The following NUP210 variants were observed in gnomAD, a reference collection of about 807,000 sequenced individuals.
The protein encoded by NUP210 is nuclear pore membrane glycoprotein 210.
In NUP210, 151 loss-of-function variants were observed where a neutral mutation model predicts 196.0. That is an observed-to-expected ratio of 0.77 (90% CI 0.67 to 0.88). The LOEUF is 0.88. NUP210 is among the 40% of genes least tolerant of loss of function. NUP210 has a pLI of 0.00. For missense variants in NUP210, 2,314 were observed against 2,493.7 expected (o/e 0.93, Z 1.53); for synonymous variants, 1,070 against 1,052.7 (o/e 1.02, Z -0.32).
intron 16 of NUP210, among the ~76,000 whole-genome samples, chr3:13,354,948 T>A (rs1397929853): frequency 1.3e-5 from 2 of 152,146 alleles, no homozygotes; most frequent in Non-Finnish European, 2.9e-5. Flanking sequence ...GGGCTATCCC[T>A]CCCTTCTCTG....
chr3:13,377,494 C>T lies in NUP210; in HGVS notation c.1114G>A (p.Val372Ile). Reference protein sequence around the residue: ...TGRLYEITIEVFDKFSNKVYV... With the variant: ...TGRLYEITIEIFDKFSNKVYV... ...ACCTTGTTGCTGAACTTGTCAAAAA[C>T]TTCGATGGTGATTTCATACAGGCGG... Residue 372 changes from valine (V) to isoleucine (I), a missense_variant, in exon 9 of 40, where the codon GTT (valine) becomes ATT (isoleucine). Transcript: ENST00000254508. The T allele has an allele frequency of 6.2e-7, 1 of 1,613,848 alleles. No homozygotes were observed. The highest frequency in any genetic ancestry group is 1.3e-5 in the African/African-American group (1 of 75,028).
At chr3:13,319,689 C>A in intron 37 of NUP210, 74 bp downstream of exon 37, 4 of 1,307,746 alleles carry the variant, frequency 3.1e-6, no homozygotes. Flanking sequence ...CAGGTTTCTA[C>A]TGATAGCCAG....
chr3:13,395,063 G>C (rs144601784), intron 3 of NUP210, among the ~76,000 whole-genome samples: 27 of 152,196 alleles, frequency 1.8e-4, no homozygotes, highest in Admixed American at 5.2e-4. Context: ...ACCAGGTGAC[G>C]TCCTACTCTG....
rs760022114 is a variant in NUP210 at position 13,341,845 on chromosome 3, A to G, written c.3131T>C (p.Phe1044Ser). The change falls in exon 23 of 40, where the codon TTC (phenylalanine) becomes TCC (serine). Residue 1044 changes from phenylalanine to serine, a missense_variant. By Grantham distance (155) the Phe-to-Ser change is radical. Coordinates refer to ENST00000254508, the MANE Select transcript of NUP210 (RefSeq NM_024923.4). ...DEALDNYTITFLIRGVAIGQT... is the reference protein window; with the variant it reads ...DEALDNYTITSLIRGVAIGQT... ...GCCGATGGCCACACCGCGGATGAGG[A>G]ATGTGATGGTGTAGTTGTCAAGGGC... The G allele has an allele frequency of 6.2e-7, 1 of 1,614,022 alleles. No homozygotes were observed. Among genetic ancestry groups the G allele is most frequent in the East Asian group, 2.2e-5 (1 of 44,894 alleles).
Position 13,354,070 on chromosome 3 carries a change from A to G in NUP210, c.2366T>C (p.Leu789Pro). Residue 789 changes from leucine to proline, a missense_variant, in exon 17 of 40, where the codon CTG (leucine) becomes CCG (proline). Physicochemically the swap from Leu to Pro is moderately conservative, Grantham distance 98. Coordinates refer to ENST00000254508, the MANE Select transcript of NUP210 (RefSeq NM_024923.4). ...VSSHRNPRLD[L>P]AAYDQEGRRF... ...GCGGCCCTCCTGGTCGTAAGCAGCC[A>G]GGTCCAGCCGGGGGTTGCGGTGGCT... 6.2e-7 allele frequency: 1 copy of G among 1,603,402 alleles called. No homozygotes were observed.
At chr3:13,369,165 C>T (rs1234709630) in intron 13 of NUP210, among the ~76,000 whole-genome samples, 1 of 152,204 alleles carries the variant, frequency 6.6e-6, no homozygotes, top group East Asian at 1.9e-4. Flanking sequence ...GTTTGATTTG[C>T]ACCACTCTGA....
chr3:13,418,021 C>T (rs1434629177), intron 1 of NUP210, among the ~76,000 whole-genome samples: 1 of 152,216 alleles, frequency 6.6e-6, no homozygotes, highest in African/African-American at 2.4e-5. Flanking sequence ...TTGAAGCCAG[C>T]TGTTTTTAAT....
intron 13 of NUP210, 41 bp from the exon 14 acceptor site, chr3:13,366,132 T>C (rs1322218796): frequency 1.9e-6 from 3 of 1,587,836 alleles, no homozygotes; most frequent in African/African-American, 1.4e-5. Flanking sequence ...CTGAAATCAC[T>C]TTTTTCTTTT....
intron 20 of NUP210, 36 bp from the exon 21 acceptor site, chr3:13,343,339 T>TGGGGGTGGGGGGGGGGGG: frequency 3.5e-6 from 1 of 282,522 alleles, no homozygotes. Context: ...GGGTGGGTGG[T>TGGGGGTGGGGGGGGGGGG]GGGTTACGCA....
intron 6 of NUP210, among the ~76,000 whole-genome samples, chr3:13,384,776 C>T (rs1034874012): frequency 2.0e-5 from 3 of 152,236 alleles, no homozygotes; most frequent in African/African-American, 4.8e-5. Flanking sequence ...CCTTTCAACA[C>T]GCTTCCCCTT....
At chr3:13,377,806 C>T (rs529376843) in intron 8 of NUP210, among the ~76,000 whole-genome samples, 1 of 148,384 alleles carries the variant, frequency 6.7e-6, no homozygotes, top group Non-Finnish European at 1.5e-5. Flanking sequence ...CTGCAGGCCC[C>T]ACACCACTTA....
Position 13,405,455 on chromosome 3 carries a change from T to C in NUP210, c.168-5594A>G, listed in dbSNP as rs147711045. Among the ~76,000 whole-genome samples the C allele has an allele frequency of 8.7e-4, 132 of 152,278 alleles. 2 individuals are homozygous for C. The highest frequency in any genetic ancestry group is 6.8e-3 in the Middle Eastern group (2 of 294). ...GGACTTGTCAGCCTCTATAATCATA[T>C]AAGCTAATCCCTTATACTAAACCTC... On this transcript the variant is annotated intron_variant, in intron 1 of 39. Transcript: ENST00000254508.
chr3:13,341,814 G>T lies in NUP210; in HGVS notation c.3162C>A (p.Thr1054=). Residue 1054 remains threonine, a synonymous_variant, in exon 23 of 40, where the codon ACC becomes ACA. Transcript: ENST00000254508. The part of the protein sequence containing the change: ...FLIRGVAIGQ[T]SLTASVTNKA... ...TATTGGTCACACTTGCAGTTAGACTGGTCTGGCCGATGGCCACACCGCGGA... is the reference window on the plus strand; with the variant it reads ...TATTGGTCACACTTGCAGTTAGACTTGTCTGGCCGATGGCCACACCGCGGA... 6.2e-7 allele frequency: 1 copy of T among 1,614,212 alleles called. No individual in the cohort carries two copies. Among genetic ancestry groups the T allele is most frequent in the South Asian group, 1.1e-5 (1 of 91,086 alleles).
chr3:13,391,134 CGCT>C, intron 4 of NUP210, 74 bp downstream of exon 4: 1 of 997,348 alleles, frequency 1.0e-6, no homozygotes, highest in East Asian at 2.6e-5. Flanking sequence ...GAAAGCCCCC[CGCT>C]GGTGAGGAGC....
At chr3:13,369,545 T>C (rs1228478356) in intron 13 of NUP210, among the ~76,000 whole-genome samples, 1 of 152,240 alleles carries the variant, frequency 6.6e-6, no homozygotes, top group African/African-American at 2.4e-5. Flanking sequence ...TTTATAGTTT[T>C]CAATTTTATA....
chr3:13,412,542 C>T (rs9881234), intron 1 of NUP210, among the ~76,000 whole-genome samples: 58,008 of 151,572 alleles, frequency 0.38, 11,553 homozygotes, highest in Middle Eastern at 0.46. Context: ...GGCGAAATCC[C>T]GTTTCTACTA....
At position 13,388,997 on chromosome 3, in the gene NUP210, G is replaced by A. The variant is rs117189545; in HGVS notation, c.534-544C>T. 4.4e-3 allele frequency among the ~76,000 whole-genome samples: 664 copies of A among 152,348 alleles called. 10 individuals carry two copies. The highest frequency in any genetic ancestry group is 0.033 in the Admixed American group (505 of 15,308). ...CTGGATCCCAGCTTGGGGAGATGTC[G>A]GGGACGTGGTGTAGCCTGGAGTGTG... is the stretch of plus-strand genomic sequence containing the variant. On this transcript the variant is annotated intron_variant, in intron 4 of 39. Coordinates refer to ENST00000254508, the MANE Select transcript of NUP210 (RefSeq NM_024923.4).
chr3:13,353,008 C>T (rs1043652263), intron 18 of NUP210, among the ~76,000 whole-genome samples: 3 of 151,928 alleles, frequency 2.0e-5, no homozygotes, highest in Non-Finnish European at 4.4e-5. Context: ...GGCAGGAGGC[C>T]GTGACGCCCC....
In NUP210 at chr3:13,340,197, C is replaced by A; in HGVS notation, c.3291+39G>T. 6.2e-7 allele frequency: 1 copy of A among 1,612,270 alleles called. No individual in the cohort carries two copies. Among genetic ancestry groups the A allele is most frequent in the Non-Finnish European group, 8.5e-7 (1 of 1,179,058 alleles). ...GTGCCTGGAACCAGGTGGTGGCCTG[C>A]ACTGGGGCTGGAGCAGGACGTGGCC... On this transcript the variant is annotated intron_variant, in intron 24 of 39. Transcript: ENST00000254508. The surrounding 1 kb of genome is among the most constrained non-coding windows in gnomAD (Gnocchi z 4.0).
Sources: gnomAD v4.1 joint callset for allele counts (sites outside exome capture counted in the v4.1 genomes callset) on GRCh38, gnomAD v4.1.1 for gene constraint, Gnocchi (gnomAD v3.1) non-coding constraint, MANE v1.5 for transcripts, NCBI Gene and HGNC (gene_info 2026-07-23, HGNC 2026-07-21) for gene names.